The following GPC6 variants were observed in gnomAD, a reference collection of about 807,000 sequenced individuals.
The protein encoded by GPC6 is glypican 6.
Under a neutral mutation model 55.2 loss-of-function variants are expected in GPC6, and 14 were observed. That is an observed-to-expected ratio of 0.25 (90% CI 0.17 to 0.40). The LOEUF (loss-of-function observed/expected upper bound fraction) is 0.40, where lower values mean the gene tolerates loss of function less well. Ranked by LOEUF, GPC6 falls within the 10% of genes least tolerant of loss-of-function variation. The pLI is 1.00. For synonymous variants in GPC6, 278 were observed against 259.6 expected (o/e 1.07, Z -0.68); for missense variants, 641 against 708.5 (o/e 0.90, Z 1.08).
At chr13:93,269,203 C>T (rs1347678404) in intron 1 of GPC6, among the ~76,000 whole-genome samples, 2 of 151,958 alleles carry the variant, frequency 1.3e-5, no homozygotes, top group Admixed American at 6.6e-5. Flanking sequence ...ATTATGTACT[C>T]GATGAAAAGT....
rs183182380 is a variant in GPC6, at chr13:94,167,677, G to A, written c.878-118672G>A. Among the ~76,000 whole-genome samples, 245 of 152,254 alleles carry A rather than the reference G, an allele frequency of 1.6e-3. 1 individual carries two copies. Among genetic ancestry groups the A allele is most frequent in the African/African-American group, 5.3e-3 (220 of 41,548 alleles). On this transcript the variant is annotated intron_variant, in intron 4 of 8. Coordinates refer to ENST00000377047, the MANE Select transcript of GPC6 (RefSeq NM_005708.5). ...GTGTTCCAGGCAGAAGGAACAGCAC[G>A]TGCAATCATGGAAATATGAGAAGGG... is the stretch of plus-strand genomic sequence containing the variant.
At chr13:93,759,037 C>G (rs1045957986) in intron 2 of GPC6, among the ~76,000 whole-genome samples, 7 of 152,054 alleles carry the variant, frequency 4.6e-5, no homozygotes, top group South Asian at 2.1e-4. Flanking sequence ...AGTAACCACT[C>G]CTCTGAATTT....
At chr13:93,570,953 G>A (rs138715326) in intron 2 of GPC6, among the ~76,000 whole-genome samples, 8 of 151,898 alleles carry the variant, frequency 5.3e-5, no homozygotes, top group African/African-American at 1.7e-4. Context: ...TTGGTTTGAC[G>A]AGAGTCCTGA....
At chr13:93,473,351 T>G (rs985493116) in intron 1 of GPC6, among the ~76,000 whole-genome samples, 5 of 152,154 alleles carry the variant, frequency 3.3e-5, no homozygotes, top group African/African-American at 1.2e-4. Flanking sequence ...GGGGATGATG[T>G]GTCAGCACTG....
At chr13:93,550,725 A>G (rs190042941) in intron 2 of GPC6, among the ~76,000 whole-genome samples, 1 of 152,216 alleles carries the variant, frequency 6.6e-6, no homozygotes, top group Non-Finnish European at 1.5e-5. Flanking sequence ...GAAAAGGAAA[A>G]AACCCTAAAT....
intron 4 of GPC6, among the ~76,000 whole-genome samples, chr13:94,098,510 T>C (rs139132787): frequency 1.8e-3 from 279 of 152,342 alleles, no homozygotes; most frequent in Middle Eastern, 0.01. Flanking sequence ...TCTTGTAAGA[T>C]GAAATGCAGA....
intron 6 of GPC6, among the ~76,000 whole-genome samples, chr13:94,370,048 G>A (rs1321791679): frequency 6.6e-6 from 1 of 152,216 alleles, no homozygotes; most frequent in African/African-American, 2.4e-5. Flanking sequence ...TTCCCTGGGA[G>A]CCAAGAAGTA....
chr13:93,933,432 A>G (rs533325203), intron 3 of GPC6, among the ~76,000 whole-genome samples: 19 of 152,148 alleles, frequency 1.2e-4, no homozygotes, highest in Non-Finnish European at 2.6e-4. Flanking sequence ...CCAGAATCCA[A>G]CTGCCTAGCT....
chr13:93,342,315 G>A (rs1395486683), intron 1 of GPC6, among the ~76,000 whole-genome samples: 1 of 152,148 alleles, frequency 6.6e-6, no homozygotes, highest in East Asian at 1.9e-4. Flanking sequence ...AAAAGAAGAA[G>A]AGGTTTAATG....
At chr13:94,356,865 G>C (rs984512009) in intron 6 of GPC6, among the ~76,000 whole-genome samples, 1 of 152,022 alleles carries the variant, frequency 6.6e-6, no homozygotes, top group Non-Finnish European at 1.5e-5. Context: ...TTGCACCACT[G>C]GACTCTGGCC....
At chr13:94,266,153 T>TTTC (rs1476215679) in intron 4 of GPC6, among the ~76,000 whole-genome samples, 1 of 127,680 alleles carries the variant, frequency 7.8e-6, no homozygotes. Context: ...TTTCTTTTCT[T>TTTC]TTTTTTTTTT....
chr13:93,789,456 A>C lies in GPC6; in HGVS notation c.320-40698A>C, dbSNP rs139214302. Among the ~76,000 whole-genome samples, 235 of 146,982 alleles carry C rather than the reference A, an allele frequency of 1.6e-3. 3 individuals carry two copies. The East Asian group carries it at 0.041, about 25-fold the overall frequency. ...AATATGTGAGTGTACCTATCATTAC[A>C]GTAAAGGACTTAAATATGTGAGTGA... is the stretch of plus-strand genomic sequence containing the variant. On this transcript the variant is annotated intron_variant, in intron 2 of 8. Transcript: ENST00000377047.
intron 1 of GPC6, among the ~76,000 whole-genome samples, chr13:93,337,307 C>G (rs1020179927): frequency 6.6e-6 from 1 of 152,072 alleles, no homozygotes; most frequent in South Asian, 2.1e-4. Flanking sequence ...TTATGAGATT[C>G]CCATATTTGG....
In GPC6 at chr13:93,541,684, A is replaced by T. The variant is rs565147253; in HGVS notation, c.161-3579A>T. Reference sequence around the variant, plus strand: ...CCTATTTCTCCACATCCTCTCCAGCACCTGTTGTTTCCTGACTTTTTAATG... The same window carrying T: ...CCTATTTCTCCACATCCTCTCCAGCTCCTGTTGTTTCCTGACTTTTTAATG... On this transcript the variant is annotated intron_variant, in intron 1 of 8. Coordinates refer to ENST00000377047, the MANE Select transcript of GPC6 (RefSeq NM_005708.5). Among the ~76,000 whole-genome samples the T allele has an allele frequency of 1.5e-3, 213 of 141,028 alleles. 1 individual carries two copies. The highest frequency in any genetic ancestry group is 5.4e-3 in the African/African-American group (207 of 38,054). 92.5% of individuals were successfully genotyped at this position (141,028 alleles called of 152,430 possible).
chr13:93,401,321 G>A (rs185601955), intron 1 of GPC6, among the ~76,000 whole-genome samples: 99 of 152,112 alleles, frequency 6.5e-4, no homozygotes, highest in African/African-American at 2.2e-3. Flanking sequence ...CAACAAGGGA[G>A]GGCAGGGAAT....
At chr13:93,569,599 T>A (rs1211723603) in intron 2 of GPC6, among the ~76,000 whole-genome samples, 2 of 152,018 alleles carry the variant, frequency 1.3e-5, no homozygotes, top group Non-Finnish European at 2.9e-5. Context: ...TGTAGGTCAC[T>A]GTCCTAGGAT....
intron 3 of GPC6, among the ~76,000 whole-genome samples, chr13:93,890,715 A>C (rs1474264036): frequency 7.9e-6 from 1 of 126,414 alleles, no homozygotes; most frequent in African/African-American, 3.7e-5. Context: ...AATTTTACTT[A>C]ATTTTTTTTT....
At chr13:94,342,467 T>C (rs1878090397) in intron 6 of GPC6, among the ~76,000 whole-genome samples, 1 of 152,136 alleles carries the variant, frequency 6.6e-6, no homozygotes, top group Non-Finnish European at 1.5e-5. Context: ...CAGCCGTCGG[T>C]CAAAGGATGC....
chr13:93,836,482 A>T (rs1251509587), intron 3 of GPC6, among the ~76,000 whole-genome samples: 1 of 152,200 alleles, frequency 6.6e-6, no homozygotes, highest in Non-Finnish European at 1.5e-5. Context: ...AATCACAAAA[A>T]GGCCTTAGGT....
Sources: allele counts gnomAD v4.1 joint callset (sites outside exome capture counted in the v4.1 genomes callset), GRCh38; gene constraint gnomAD v4.1.1; transcripts MANE v1.5; gene names NCBI Gene and HGNC (gene_info 2026-07-23, HGNC 2026-07-21).